The following LARP1 variants were observed in gnomAD, a reference collection of about 807,000 sequenced individuals.
The protein encoded by LARP1 is la-related protein 1.
A neutral mutation model predicts 122.7 loss-of-function variants in LARP1; 36 were observed. The ratio of observed to expected loss-of-function variants is 0.29; its 90% CI spans 0.22 to 0.39. The LOEUF (loss-of-function observed/expected upper bound fraction) is 0.39, where lower values mean the gene tolerates loss of function less well. LARP1 is among the 10% of genes least tolerant of loss of function. The pLI, the probability that LARP1 is intolerant of heterozygous loss-of-function variation, is 1.00. For missense variants in LARP1, 1,040 were observed against 1,403.6 expected, an observed-to-expected ratio of 0.74 and a Z score of 4.14; for synonymous variants, 539 against 528.7, an observed-to-expected ratio of 1.02 and a Z score of -0.27.
chr5:154,795,181 C>T lies in LARP1; in HGVS notation c.1239C>T (p.Tyr413=), dbSNP rs1757650294. The T allele has an allele frequency of 6.2e-7, 1 of 1,613,882 alleles. No individual in the cohort carries two copies. The highest frequency in any genetic ancestry group is 8.5e-7 in the Non-Finnish European group (1 of 1,179,754). ...LKDYIKRQIE[Y]YFSVDNLERD... ...ACTTCTTCCCTCCACTTAGTGAATA[C>T]TACTTCAGCGTGGACAATTTAGAGC... is the stretch of plus-strand genomic sequence containing the variant. The change falls in exon 8 of 19, where the codon TAC becomes TAT. Residue 413 remains tyrosine (Y), a synonymous_variant. Transcript: ENST00000518297.
chr5:154,697,202 C>CT (rs11399407), intron 1 of LARP1, among the ~76,000 whole-genome samples: 95,671 of 141,470 alleles, frequency 0.68, 32,471 homozygotes, highest in African/African-American at 0.74. Context: ...AGCTTTTTAT[C>CT]TTTTTTTTTT....
intron 1 of LARP1, among the ~76,000 whole-genome samples, chr5:154,731,776 T>C (rs769588027): frequency 2.6e-5 from 4 of 152,084 alleles, no homozygotes; most frequent in Non-Finnish European, 5.9e-5. Flanking sequence ...ACGTCTGTAA[T>C]CCCAGCACTT....
At chr5:154,791,440 C>T (rs1390665611) in intron 3 of LARP1, among the ~76,000 whole-genome samples, 1 of 152,058 alleles carries the variant, frequency 6.6e-6, no homozygotes, top group African/African-American at 2.4e-5. Flanking sequence ...TTGAACTGAC[C>T]TCAGGTGATC....
chr5:154,793,571 T>G, intron 4 of LARP1, 24 bp from the exon 5 acceptor site: 1 of 1,614,152 alleles, frequency 6.2e-7, no homozygotes, highest in Middle Eastern at 1.6e-4. Flanking sequence ...CAAGCCTTTC[T>G]CATGTACCCA....
chr5:154,747,824 A>C (rs977617078), intron 1 of LARP1, among the ~76,000 whole-genome samples: 2 of 152,174 alleles, frequency 1.3e-5, no homozygotes, highest in Non-Finnish European at 2.9e-5. Flanking sequence ...AGATTGTGCC[A>C]CTGCACTCCA....
chr5:154,756,452 T>C, intron 1 of LARP1: 1 of 988,396 alleles, frequency 1.0e-6, no homozygotes. Context: ...GGCAACGGTG[T>C]GGTTCGGGCC....
At chr5:154,807,315 C>G (rs1221490458) in intron 15 of LARP1, among the ~76,000 whole-genome samples, 2 of 152,106 alleles carry the variant, frequency 1.3e-5, no homozygotes, top group Non-Finnish European at 2.9e-5. Flanking sequence ...TACAGGTTTC[C>G]TGTAGACGTA....
At chr5:154,792,601 T>C in intron 3 of LARP1, 21 bp from the exon 4 acceptor site, 1 of 1,612,084 alleles carries the variant, frequency 6.2e-7, no homozygotes. Context: ...CACCTCACTG[T>C]TACTTTACTT....
intron 10 of LARP1, among the ~76,000 whole-genome samples, chr5:154,801,221 T>C (rs1480428299): frequency 6.6e-6 from 1 of 152,264 alleles, no homozygotes; most frequent in Admixed American, 6.5e-5. Context: ...CACCGTGTTT[T>C]CTCTTGCCTT....
At chr5:154,773,203 T>C (rs1170768291) in intron 1 of LARP1, among the ~76,000 whole-genome samples, 2 of 152,098 alleles carry the variant, frequency 1.3e-5, no homozygotes, top group African/African-American at 2.4e-5. Flanking sequence ...TATACTGTAC[T>C]CACGTATTTT....
intron 1 of LARP1, among the ~76,000 whole-genome samples, chr5:154,738,909 A>G (rs913258724): frequency 4.6e-5 from 7 of 152,220 alleles, no homozygotes; most frequent in African/African-American, 1.7e-4. Flanking sequence ...ACAAGAAAGA[A>G]AGACTCTATC....
Position 154,795,928 on chromosome 5 carries a change from TTATA to T in LARP1, c.1377+613_1377+616del, listed in dbSNP as rs1221287898. On this transcript the variant is annotated intron_variant, in intron 8 of 18. Coordinates refer to ENST00000518297, the MANE Select transcript of LARP1 (RefSeq NM_033551.3). Reference sequence around the variant, plus strand: ...TTATATATTTATTATATATTTATATTTATATATTATATATTTATATATTATATAT... The same window carrying T: ...TTATATATTTATTATATATTTATATTTATTATATATTTATATATTATATAT... Among the ~76,000 whole-genome samples the T allele has an allele frequency of 5.9e-3, 714 of 121,648 alleles. 8 individuals carry two copies. Among genetic ancestry groups the T allele is most frequent in the African/African-American group, 0.022 (679 of 31,346 alleles). The allele number at this position is 121,648 out of a possible 152,430, so 79.8% of individuals were successfully genotyped here.
Position 154,790,628 on chromosome 5 carries a change from G to T in LARP1, c.499-17G>T, listed in dbSNP as rs1159374410. ...CAGGGTCACTCCTGGGGCCCTCATA[G>T]TGTATGTTCCCTGCAGGTTGGTGAC... On this transcript the variant is annotated splice_polypyrimidine_tract_variant and intron_variant, in intron 2 of 18. Transcript: ENST00000518297. 1 of 1,614,032 alleles carries T rather than the reference G, an allele frequency of 6.2e-7. No individual in the cohort carries two copies. Among genetic ancestry groups the T allele is most frequent in the East Asian group, 2.2e-5 (1 of 44,888 alleles).
At chr5:154,690,055 T>C (rs1464629359) in intron 1 of LARP1, among the ~76,000 whole-genome samples, 1 of 148,470 alleles carries the variant, frequency 6.7e-6, no homozygotes, top group Non-Finnish European at 1.5e-5. Context: ...AAAATTAAAA[T>C]TTAAATTAAA....
chr5:154,811,255 T>C lies in LARP1; in HGVS notation c.2852T>C (p.Leu951Ser), dbSNP rs1328530291. Residue 951 changes from leucine (L) to serine (S), a missense_variant, in exon 17 of 19, where the codon TTG becomes TCG. Around this residue, in one of 8 missense-constraint regions of LARP1, gnomAD observed 59 missense variants for 137.2 expected, o/e 0.43. Coordinates refer to ENST00000518297, the MANE Select transcript of LARP1 (RefSeq NM_033551.3). The stretch of plus-strand genomic sequence containing the variant: ...TGACTTGTGTTCTACAGATATGGTT[T>C]GGAGTGCCTTTTTCGATACTACAGT... ...EDAKEGYRYG[L>S]ECLFRYYSYG... is the part of the protein sequence containing the mutation. 2 of 1,613,886 alleles carry C rather than the reference T, an allele frequency of 1.2e-6. No individual in the cohort carries two copies. The highest frequency in any genetic ancestry group is 3.3e-5 in the Admixed American group (2 of 60,002).
At chr5:154,754,165 C>T (rs75580903), upstream of LARP1, among the ~76,000 whole-genome samples, 2,923 of 152,318 alleles carry the variant, frequency 0.019, 90 homozygotes, top group African/African-American at 0.067. Flanking sequence ...CACAGTTTAA[C>T]TATTGTCTTC....
chr5:154,769,592 A>G (rs1403941856), intron 1 of LARP1, among the ~76,000 whole-genome samples: 1 of 152,210 alleles, frequency 6.6e-6, no homozygotes, highest in Non-Finnish European at 1.5e-5. Context: ...TGGAGCAGCA[A>G]TAGAAAGCTC....
At chr5:154,690,785 G>A (rs1754160603) in intron 1 of LARP1, among the ~76,000 whole-genome samples, 1 of 152,242 alleles carries the variant, frequency 6.6e-6, no homozygotes, top group Non-Finnish European at 1.5e-5. Flanking sequence ...GTGCGACAAC[G>A]GCCTGGCGGG....
chr5:154,799,879 C>T lies in LARP1; in HGVS notation c.1553C>T (p.Ala518Val). 2 of 1,613,690 alleles carry T rather than the reference C, an allele frequency of 1.2e-6. No homozygotes were observed. The highest frequency in any genetic ancestry group is 1.7e-6 in the Non-Finnish European group (2 of 1,179,718). ...RQHYQKETES[A>V]PGSPRAVTPV... The stretch of plus-strand genomic sequence containing the variant: ...TCCCCTTTCCACCCTTTAGAGTCGG[C>T]ACCTGGCTCTCCTCGTGCAGTCACC... The change falls in exon 10 of 19, where the codon GCA becomes GTA. Residue 518 changes from alanine to valine, a missense_variant. By Grantham distance (64) the Ala-to-Val change is moderately conservative. This residue lies in a region of LARP1 where 362 missense variants were observed against 533.1 expected (regional missense o/e 0.68). Coordinates refer to ENST00000518297, the MANE Select transcript of LARP1 (RefSeq NM_033551.3).
Sources: gnomAD v4.1 joint callset for allele counts (sites outside exome capture counted in the v4.1 genomes callset) on GRCh38, gnomAD v4.1.1 for gene constraint, gnomAD v4.1.1 regional missense constraint, MANE v1.5 for transcripts, NCBI Gene and HGNC (gene_info 2026-07-23, HGNC 2026-07-21) for gene names.